The following GABRB1 variants were observed in gnomAD, a reference collection of about 807,000 sequenced individuals.
The protein encoded by GABRB1 is gamma-aminobutyric acid receptor subunit beta-1.
Under a neutral mutation model 51.6 loss-of-function variants are expected in GABRB1, and 17 were observed. The observed-to-expected ratio is 0.33, with a 90% CI of 0.23 to 0.49. The LOEUF (loss-of-function observed/expected upper bound fraction) is 0.49, where lower values mean the gene tolerates loss of function less well. Among genes scored for constraint, GABRB1 ranks in the 20% least tolerant of loss-of-function variants. The probability of loss-of-function intolerance (pLI) is 0.99; values close to 1 mark genes in which losing one functional copy is unlikely to be tolerated. For missense variants in GABRB1, 410 were observed against 600.6 expected (o/e 0.68, Z 3.32); for synonymous variants, 247 against 218.9 (o/e 1.13, Z -1.14).
intron 1 of GABRB1, among the ~76,000 whole-genome samples, chr4:47,007,856 C>T (rs1724452426): frequency 1.1e-5 from 1 of 90,338 alleles, no homozygotes; most frequent in Admixed American, 1.3e-4. Context: ...GGACGTATAC[C>T]TTGGAACTGG....
intron 4 of GABRB1, among the ~76,000 whole-genome samples, chr4:47,263,403 G>A (rs543728037): frequency 1.3e-5 from 2 of 152,204 alleles, no homozygotes; most frequent in Admixed American, 1.3e-4. Context: ...GGAGAAGTAA[G>A]AAGTCACCGG....
intron 4 of GABRB1, among the ~76,000 whole-genome samples, chr4:47,244,559 G>A (rs968715309): frequency 3.3e-5 from 5 of 152,108 alleles, no homozygotes; most frequent in Admixed American, 3.3e-4. Flanking sequence ...CTCAATTTCA[G>A]AGCCTGCTAT....
intron 4 of GABRB1, among the ~76,000 whole-genome samples, chr4:47,187,277 T>A (rs1031452817): frequency 6.6e-5 from 10 of 151,884 alleles, no homozygotes; most frequent in Non-Finnish European, 1.2e-4. Context: ...TCAATATTAT[T>A]AAGGACTTAA....
rs1716422451 is a variant in GABRB1, at chr4:47,131,605, A to G, written c.241-29644A>G. Reference sequence around the variant, plus strand: ...CTTAATATCATTGTCTCTTTCTGCAATGCTAGGGAGGCAGTGGGCATATTG... The same window carrying G: ...CTTAATATCATTGTCTCTTTCTGCAGTGCTAGGGAGGCAGTGGGCATATTG... On this transcript the variant is annotated intron_variant, in intron 3 of 8. Coordinates refer to ENST00000295454, the MANE Select transcript of GABRB1 (RefSeq NM_000812.4). Among the ~76,000 whole-genome samples, 5 of 152,288 alleles carry G rather than the reference A, an allele frequency of 3.3e-5. No homozygotes were observed. The South Asian group carries it at 1.0e-3, about 32-fold the overall frequency.
intron 3 of GABRB1, among the ~76,000 whole-genome samples, chr4:47,127,019 A>C (rs1716175910): frequency 6.6e-6 from 1 of 151,948 alleles, no homozygotes; most frequent in African/African-American, 2.4e-5. Context: ...CTCTGCTTTC[A>C]TGTTCATAAT....
intron 4 of GABRB1, among the ~76,000 whole-genome samples, chr4:47,180,811 C>A (rs897970790): frequency 6.6e-6 from 1 of 151,970 alleles, no homozygotes; most frequent in East Asian, 1.9e-4. Flanking sequence ...ATGAATGAAG[C>A]TTTGACAGGT....
chr4:47,381,910 A>G (rs1727612051), intron 5 of GABRB1, among the ~76,000 whole-genome samples: 1 of 152,210 alleles, frequency 6.6e-6, no homozygotes, highest in Admixed American at 6.5e-5. Context: ...AATTTGCAAA[A>G]AATTACAAAG....
At chr4:47,183,345 C>T (rs895270243) in intron 4 of GABRB1, among the ~76,000 whole-genome samples, 20 of 124,422 alleles carry the variant, frequency 1.6e-4, no homozygotes, top group Non-Finnish European at 2.5e-4. Flanking sequence ...TGTGTGTGTG[C>T]ATATATATAT....
chr4:47,203,355 G>A (rs1719968109), intron 4 of GABRB1, among the ~76,000 whole-genome samples: 1 of 151,280 alleles, frequency 6.6e-6, no homozygotes, highest in Non-Finnish European at 1.5e-5. Flanking sequence ...ACATTCATCG[G>A]TCAAATGCCA....
At chr4:47,139,657 A>G (rs1716827672) in intron 3 of GABRB1, among the ~76,000 whole-genome samples, 1 of 152,082 alleles carries the variant, frequency 6.6e-6, no homozygotes, top group Non-Finnish European at 1.5e-5. Context: ...TGACATTGAC[A>G]GGATTGAAAT....
At chr4:47,113,176 G>C (rs558872492) in intron 3 of GABRB1, among the ~76,000 whole-genome samples, 1 of 151,960 alleles carries the variant, frequency 6.6e-6, no homozygotes, top group South Asian at 2.1e-4. Flanking sequence ...ACCAGAAGTC[G>C]AGAGTTCGAG....
chr4:47,032,198 C>T (rs1233623818), intron 2 of GABRB1, among the ~76,000 whole-genome samples, 193 bp downstream of exon 2: 1 of 151,602 alleles, frequency 6.6e-6, no homozygotes, highest in Non-Finnish European at 1.5e-5. Context: ...AATCCTCAGG[C>T]GGAGGCGACC....
chr4:47,064,283 A>G (rs111730964), intron 3 of GABRB1, among the ~76,000 whole-genome samples: 4 of 152,222 alleles, frequency 2.6e-5, no homozygotes, highest in African/African-American at 7.2e-5. Context: ...TTTCTTGCCT[A>G]TTTTAACTAA....
chr4:47,204,599 G>A (rs1181301398), intron 4 of GABRB1, among the ~76,000 whole-genome samples: 2 of 152,086 alleles, frequency 1.3e-5, no homozygotes, highest in African/African-American at 4.8e-5. Context: ...TGTCTTGGAG[G>A]AACCCAGTGG....
chr4:47,357,270 G>A (rs777195349), intron 5 of GABRB1, among the ~76,000 whole-genome samples: 8 of 152,144 alleles, frequency 5.3e-5, no homozygotes, highest in Non-Finnish European at 8.8e-5. Context: ...AGTTGTTATA[G>A]GCAGCAGTGG....
At chr4:47,293,008 C>T (rs1018448099) in intron 4 of GABRB1, among the ~76,000 whole-genome samples, 1 of 152,154 alleles carries the variant, frequency 6.6e-6, no homozygotes, top group African/African-American at 2.4e-5. Context: ...AAACACTCTG[C>T]AATATTTATA....
At chr4:47,329,845 A>T (rs1275222144) in intron 5 of GABRB1, among the ~76,000 whole-genome samples, 3 of 151,812 alleles carry the variant, frequency 2.0e-5, no homozygotes, top group Admixed American at 1.3e-4. Context: ...CTATATATAG[A>T]GAGCGAGTGA....
At chr4:47,360,023 C>A (rs1390328205) in intron 5 of GABRB1, among the ~76,000 whole-genome samples, 1 of 151,666 alleles carries the variant, frequency 6.6e-6, no homozygotes, top group Admixed American at 6.6e-5. Context: ...TTACATTAAC[C>A]AACATGAGAG....
intron 5 of GABRB1, among the ~76,000 whole-genome samples, chr4:47,339,531 A>G (rs1725808614): frequency 7.8e-6 from 1 of 127,542 alleles, no homozygotes; most frequent in Non-Finnish European, 1.6e-5. Flanking sequence ...TTATGTGTGT[A>G]TGTGTGCATA....
Sources: allele counts gnomAD v4.1 joint callset (sites outside exome capture counted in the v4.1 genomes callset), GRCh38; gene constraint gnomAD v4.1.1; transcripts MANE v1.5; gene names NCBI Gene and HGNC (gene_info 2026-07-23, HGNC 2026-07-21).